The following CACNA2D1 variants were observed in gnomAD, a reference collection of about 807,000 sequenced individuals.
The protein encoded by CACNA2D1 is calcium voltage-gated channel auxiliary subunit alpha2delta 1, also known as voltage-dependent calcium channel subunit alpha-2/delta-1.
In CACNA2D1, 53 loss-of-function variants were observed where a neutral mutation model predicts 171.5. That is an observed-to-expected ratio of 0.31 (90% CI 0.25 to 0.39). The LOEUF (loss-of-function observed/expected upper bound fraction) is 0.39. Ranked by LOEUF, CACNA2D1 falls within the 10% of genes least tolerant of loss-of-function variation. The pLI, the probability that CACNA2D1 is intolerant of heterozygous loss-of-function variation, is 1.00. For missense variants in CACNA2D1, 903 were observed against 1,299.8 expected (o/e 0.69, Z 4.69); for synonymous variants, 442 against 443.1 (o/e 1.00, Z 0.03).
At chr7:82,409,994 C>T (rs1175086523) in intron 1 of CACNA2D1, among the ~76,000 whole-genome samples, 3 of 152,154 alleles carry the variant, frequency 2.0e-5, no homozygotes, top group Non-Finnish European at 2.9e-5. Flanking sequence ...TATATTTAAA[C>T]ATATGTCAAC....
chr7:82,385,475 T>C (rs1824231563), intron 1 of CACNA2D1, among the ~76,000 whole-genome samples: 1 of 152,214 alleles, frequency 6.6e-6, no homozygotes, highest in South Asian at 2.1e-4. Flanking sequence ...TAACCCTATG[T>C]GGTACAATAT....
chr7:82,020,965 C>T (rs908761158), intron 12 of CACNA2D1: 1 of 152,098 alleles, frequency 6.6e-6, no homozygotes, highest in Non-Finnish European at 1.5e-5. Flanking sequence ...CACAAAGAAC[C>T]AAGCTAGTGT....
At chr7:82,067,990 G>C (rs1368509324) in intron 7 of CACNA2D1, among the ~76,000 whole-genome samples, 1 of 152,040 alleles carries the variant, frequency 6.6e-6, no homozygotes, top group Non-Finnish European at 1.5e-5. Context: ...TTTATCAGAT[G>C]GCACAATTTC....
chr7:82,291,538 G>T lies in CACNA2D1; in HGVS notation c.294+43597C>A, dbSNP rs1197756323. Among the ~76,000 whole-genome samples, 178 of 125,212 alleles carry T rather than the reference G, an allele frequency of 1.4e-3. 1 individual carries two copies. Among genetic ancestry groups the T allele is most frequent in the African/African-American group, 5.1e-3 (166 of 32,732 alleles). The allele number at this position is 125,212 out of a possible 152,430, so 82.1% of individuals were successfully genotyped here. A position where few individuals can be genotyped will look rare whatever the true frequency, so the allele number is the denominator to read the frequency against. On this transcript the variant is annotated intron_variant, in intron 3 of 38. Transcript: ENST00000356860. ...TATATATAGATAGATCTATATATGT[G>T]ATATATAGATATATATAAATATATA...
chr7:82,144,501 G>T (rs1461678686), intron 4 of CACNA2D1, among the ~76,000 whole-genome samples: 1 of 151,632 alleles, frequency 6.6e-6, no homozygotes, highest in Admixed American at 6.6e-5. Flanking sequence ...GCAACTAAGA[G>T]AATTTGTGGA....
chr7:82,225,447 C>A lies in CACNA2D1; in HGVS notation c.295-54838G>T, dbSNP rs999670444. ...CCAGAATAGGATTCAAGAATTCCAACAATCTCTAGAAAAAATATGCAAAAT... is the reference window on the plus strand; with the variant it reads ...CCAGAATAGGATTCAAGAATTCCAAAAATCTCTAGAAAAAATATGCAAAAT... On this transcript the variant is annotated intron_variant, in intron 3 of 38. Transcript: ENST00000356860. Among the ~76,000 whole-genome samples the A allele has an allele frequency of 2.4e-4, 36 of 152,258 alleles. 1 individual carries two copies. Among genetic ancestry groups the A allele is most frequent in the Middle Eastern group, 6.8e-3 (2 of 294 alleles).
chr7:82,154,329 T>G (rs796537788), intron 4 of CACNA2D1, among the ~76,000 whole-genome samples: 59 of 152,270 alleles, frequency 3.9e-4, no homozygotes, highest in African/African-American at 1.4e-3. Context: ...GTTTTGTACG[T>G]GTACAGAGAA....
intron 1 of CACNA2D1, among the ~76,000 whole-genome samples, chr7:82,398,043 A>C (rs1344173462): frequency 6.6e-6 from 1 of 152,232 alleles, no homozygotes; most frequent in African/African-American, 2.4e-5. Flanking sequence ...ATGAGGCTTC[A>C]TAGACAGGCT....
intron 3 of CACNA2D1, among the ~76,000 whole-genome samples, chr7:82,311,641 T>C (rs1335718602): frequency 1.3e-5 from 2 of 152,198 alleles, no homozygotes; most frequent in African/African-American, 2.4e-5. Flanking sequence ...TCTCCAGAAT[T>C]TGGAAGTTAT....
chr7:82,009,647 C>T (rs1799531078), intron 15 of CACNA2D1, among the ~76,000 whole-genome samples: 1 of 151,958 alleles, frequency 6.6e-6, no homozygotes, highest in Non-Finnish European at 1.5e-5. Context: ...CCATAATTTG[C>T]TTCTAAAAAT....
At chr7:82,051,909 A>G (rs955416523) in intron 10 of CACNA2D1, among the ~76,000 whole-genome samples, 5 of 152,218 alleles carry the variant, frequency 3.3e-5, no homozygotes, top group Admixed American at 2.0e-4. Context: ...CTTTGCTAAC[A>G]GCAGGCTTCC....
At chr7:82,239,976 T>C (rs1443485236) in intron 3 of CACNA2D1, among the ~76,000 whole-genome samples, 1 of 152,156 alleles carries the variant, frequency 6.6e-6, no homozygotes, top group Admixed American at 6.6e-5. Context: ...GGACATTAAG[T>C]ATAAAGAAGC....
chr7:82,289,792 G>T (rs987448215), intron 3 of CACNA2D1, among the ~76,000 whole-genome samples: 40 of 152,220 alleles, frequency 2.6e-4, no homozygotes, highest in African/African-American at 9.4e-4. Context: ...TATATCCCTA[G>T]TAGTTGGCAG....
intron 9 of CACNA2D1, among the ~76,000 whole-genome samples, chr7:82,063,081 T>G (rs2128979374): frequency 6.6e-6 from 1 of 152,294 alleles, no homozygotes; most frequent in South Asian, 2.1e-4. Context: ...TGTTTCTATG[T>G]TACTACACTG....
At chr7:82,350,041 G>A (rs770733818) in intron 1 of CACNA2D1, among the ~76,000 whole-genome samples, 1 of 152,168 alleles carries the variant, frequency 6.6e-6, no homozygotes, top group African/African-American at 2.4e-5. Context: ...CAGACCATTT[G>A]TAAAATGCAA....
intron 3 of CACNA2D1, among the ~76,000 whole-genome samples, chr7:82,199,674 T>C (rs546946054): frequency 9.9e-5 from 15 of 152,210 alleles, no homozygotes; most frequent in African/African-American, 3.1e-4. Context: ...CTTATGAAGT[T>C]ATACATATTC....
At chr7:82,375,255 T>G (rs76160570) in intron 1 of CACNA2D1, among the ~76,000 whole-genome samples, 28,576 of 152,140 alleles carry the variant, frequency 0.19, 2,943 homozygotes, top group South Asian at 0.35. Context: ...CTATCTGTCT[T>G]ACCCCATCAC....
At chr7:82,080,594 A>G (rs1039338189) in intron 7 of CACNA2D1, among the ~76,000 whole-genome samples, 1 of 152,234 alleles carries the variant, frequency 6.6e-6, no homozygotes, top group East Asian at 1.9e-4. Context: ...TGTATCACAA[A>G]TATTGCATGA....
intron 2 of CACNA2D1, 49 bp downstream of exon 2, chr7:82,349,519 T>G: frequency 7.2e-7 from 1 of 1,379,860 alleles, no homozygotes; most frequent in Non-Finnish European, 1.0e-6. Flanking sequence ...TAGAACTGCA[T>G]TCGAATTAAT....
Sources: gnomAD v4.1 joint callset for allele counts (sites outside exome capture counted in the v4.1 genomes callset) on GRCh38, gnomAD v4.1.1 for gene constraint, MANE v1.5 for transcripts, NCBI Gene and HGNC (gene_info 2026-07-23, HGNC 2026-07-21) for gene names.